Variants in BSN observed in about 807,000 individuals in gnomAD.
The protein encoded by BSN is protein bassoon.
A neutral mutation model predicts 264.8 loss-of-function variants in BSN; 57 were observed. That is an observed-to-expected ratio of 0.22 (90% CI 0.17 to 0.27). The LOEUF is 0.27. Among genes scored for constraint, BSN ranks in the 10% least tolerant of loss-of-function variants. The probability of loss-of-function intolerance (pLI) is 1.00; values close to 1 mark genes in which losing one functional copy is unlikely to be tolerated. For missense variants in BSN, 4,615 were observed against 5,232.5 expected (o/e 0.88, Z 3.64); for synonymous variants, 2,059 against 2,137.3 (o/e 0.96, Z 1.01).
chr3:49,566,821 A>C (rs2051755491), intron 1 of BSN, among the ~76,000 whole-genome samples: 1 of 144,506 alleles, frequency 6.9e-6, no homozygotes. Context: ...GGATTAGGGG[A>C]TTCAGGTAGT....
rs148390564 is a variant in BSN, at chr3:49,655,547, T to A, written c.5991T>A (p.His1997Gln). The stretch of plus-strand genomic sequence containing the variant: ...TGGCTGAGGCTGGCCTCAACTACCA[T>A]GCCCAGAGGATCGGGCAGCTCTTCC... Reference protein sequence around the residue: ...TNLAEAGLNYHAQRIGQLFQG... With the variant: ...TNLAEAGLNYQAQRIGQLFQG... The change falls in exon 5 of 12, where the codon CAT becomes CAA. Residue 1997 changes from histidine to glutamine, a missense_variant. His to Gln is a conservative substitution (Grantham distance 24). Coordinates refer to ENST00000296452, the MANE Select transcript of BSN (RefSeq NM_003458.4). 1.5e-4 allele frequency: 249 copies of A among 1,613,110 alleles called. No individual in the cohort carries two copies. The highest frequency in any genetic ancestry group is 2.0e-4 in the Non-Finnish European group (241 of 1,179,714).
In BSN at chr3:49,653,436, G is replaced by A. The variant is rs1192190840; in HGVS notation, c.3880G>A (p.Glu1294Lys). 14 of 1,613,906 alleles carry A rather than the reference G, an allele frequency of 8.7e-6. No individual in the cohort carries two copies. In the Admixed American group the frequency reaches 1.7e-4, roughly 19 times the overall value. The change falls in exon 5 of 12, where the codon GAG (glutamate) becomes AAG (lysine). Residue 1294 changes from glutamate (E) to lysine (K), a missense_variant. Glu to Lys is a moderately conservative substitution (Grantham distance 56, BLOSUM62 1). Around this residue, in one of 3 missense-constraint regions of BSN, gnomAD observed 3,415 missense variants for 3,866.4 expected, o/e 0.88. Coordinates refer to ENST00000296452, the MANE Select transcript of BSN (RefSeq NM_003458.4). This position sits in a 1 kb window ranked among gnomAD's most constrained non-coding sequence, Gnocchi z 6.3. ...GAAGGAGAAGCAGTTTCTAAATGCTGAGAGTGCATACATGGACCCAATGAA... is the reference window on the plus strand; with the variant it reads ...GAAGGAGAAGCAGTTTCTAAATGCTAAGAGTGCATACATGGACCCAATGAA... The part of the protein sequence containing the change: ...KKKEKQFLNA[E>K]SAYMDPMKQN...
intron 1 of BSN, among the ~76,000 whole-genome samples, chr3:49,586,936 CT>C (rs1391740636): frequency 1.3e-5 from 2 of 151,576 alleles, no homozygotes; most frequent in African/African-American, 4.9e-5. Context: ...TTTTTTTATT[CT>C]GTGAAGAATG....
rs899598698 is a variant in BSN at position 49,671,425 on chromosome 3, T to C, written c.*3940T>C. On this transcript the variant is annotated 3_prime_UTR_variant, in exon 12 of 12. Transcript: ENST00000296452. The surrounding 1 kb of genome is among the most constrained non-coding windows in gnomAD (Gnocchi z 4.1). ...AATGACCCGAGTCCTCCACATGACC[T>C]TGTGAATTGTGTGCTGTCCTTCTGT... is the stretch of plus-strand genomic sequence containing the variant. 1 of 152,636 alleles carries C rather than the reference T, an allele frequency of 6.6e-6. No homozygotes were observed. The highest frequency in any genetic ancestry group is 1.5e-5 in the Non-Finnish European group (1 of 68,048). The allele number at this position is 152,636 out of a possible 1,614,324, so 9.5% of individuals were successfully genotyped here. A position where few individuals can be genotyped will look rare whatever the true frequency, so the allele number is the denominator to read the frequency against.
chr3:49,660,818 C>G lies in BSN; in HGVS notation c.8973C>G (p.Ala2991=). The part of the protein sequence containing the change: ...LGITQRKESL[A]KDRGGRDYPP... ...TCACACAACGCAAAGAGTCTTTGGC[C>G]AAAGACCGGGGTGGCCGTGACTACC... is the stretch of plus-strand genomic sequence containing the variant. The change falls in exon 6 of 12, where the codon GCC becomes GCG. Residue 2991 remains alanine, a synonymous_variant. Transcript: ENST00000296452. The surrounding 1 kb of genome is among the most constrained non-coding windows in gnomAD (Gnocchi z 7.1). 2 of 1,613,098 alleles carry G rather than the reference C, an allele frequency of 1.2e-6. No homozygotes were observed. Among genetic ancestry groups the G allele is most frequent in the Non-Finnish European group, 1.7e-6 (2 of 1,180,020 alleles).
chr3:49,603,725 A>C (rs1221718037), intron 1 of BSN, among the ~76,000 whole-genome samples: 1 of 152,218 alleles, frequency 6.6e-6, no homozygotes, highest in Admixed American at 6.5e-5. Context: ...ACCAATTTAA[A>C]GTGAACAATC....
rs1034658144 is a variant in BSN at position 49,592,010 on chromosome 3, T to C, written c.225-32965T>C. Among the ~76,000 whole-genome samples the C allele has an allele frequency of 7.9e-5, 12 of 152,300 alleles. No individual in the cohort carries two copies. In the South Asian group the frequency reaches 2.5e-3, roughly 32 times the overall value. ...GATGAAATATCAACACATCTCTCAT[T>C]CACAATTTTTAAAAACTGACAAACC... On this transcript the variant is annotated intron_variant, in intron 1 of 11. Transcript: ENST00000296452.
Position 49,654,121 on chromosome 3 carries a change from G to T in BSN, c.4565G>T (p.Gly1522Val), listed in dbSNP as rs778306330. The T allele has an allele frequency of 1.7e-5, 27 of 1,614,026 alleles. No homozygotes were observed. Among genetic ancestry groups the T allele is most frequent in the Non-Finnish European group, 2.3e-5 (27 of 1,180,026 alleles). The change falls in exon 5 of 12, where the codon GGT becomes GTT. Residue 1522 changes from glycine (G) to valine (V), a missense_variant. Transcript: ENST00000296452. This position sits in a 1 kb window ranked among gnomAD's most constrained non-coding sequence, Gnocchi z 4.1. Reference sequence around the variant, plus strand: ...GCCTCAGACATGCCACGGAGCCCTGGTGCCCCCACTCCATCACCTATGGTA... The same window carrying T: ...GCCTCAGACATGCCACGGAGCCCTGTTGCCCCCACTCCATCACCTATGGTA... Reference protein sequence around the residue: ...APASDMPRSPGAPTPSPMVAQ... With the variant: ...APASDMPRSPVAPTPSPMVAQ...
At chr3:49,579,276 A>G (rs2051874599) in intron 1 of BSN, among the ~76,000 whole-genome samples, 1 of 152,008 alleles carries the variant, frequency 6.6e-6, no homozygotes, top group African/African-American at 2.4e-5. Flanking sequence ...GGCATGAGCC[A>G]CTGCACTCAG....
intron 2 of BSN, among the ~76,000 whole-genome samples, chr3:49,626,028 C>T (rs1339153229): frequency 1.3e-5 from 2 of 152,226 alleles, no homozygotes; most frequent in East Asian, 3.8e-4. Flanking sequence ...CCTACACTCA[C>T]CAAGAGGCCA....
chr3:49,590,083 G>A (rs2051966943), intron 1 of BSN, among the ~76,000 whole-genome samples: 1 of 151,408 alleles, frequency 6.6e-6, no homozygotes, highest in South Asian at 2.1e-4. Flanking sequence ...TGATCTGCCC[G>A]CCTCGGCCTC....
At chr3:49,640,162 A>G (rs911084777) in intron 2 of BSN, among the ~76,000 whole-genome samples, 1 of 152,232 alleles carries the variant, frequency 6.6e-6, no homozygotes, top group African/African-American at 2.4e-5. Flanking sequence ...CAGACAGAGA[A>G]CAACCTTGGC....
Position 49,668,234 on chromosome 3 carries a change from AC to A in BSN, c.*750del, listed in dbSNP as rs2052726908. ...AGCCCGTGGGTGGCAGCGTGCTAGC[AC>A]ACTGCCACCATCTCAAAGCCATCCC... On this transcript the variant is annotated 3_prime_UTR_variant, in exon 12 of 12. Coordinates refer to ENST00000296452, the MANE Select transcript of BSN (RefSeq NM_003458.4). 1 of 151,816 alleles carries A rather than the reference AC, an allele frequency of 6.6e-6. No homozygotes were observed. The highest frequency in any genetic ancestry group is 2.4e-5 in the African/African-American group (1 of 41,162). The allele number at this position is 151,816 out of a possible 1,614,324, so 9.4% of individuals were successfully genotyped here.
intron 2 of BSN, among the ~76,000 whole-genome samples, chr3:49,635,552 AC>A (rs2052414784): frequency 6.6e-6 from 1 of 152,092 alleles, no homozygotes; most frequent in African/African-American, 2.4e-5. Flanking sequence ...TACAAGGAAC[AC>A]CCACAAAGCC....
At position 49,661,943 on chromosome 3, in the gene BSN, G is replaced by A; in HGVS notation, c.10098G>A (p.Glu3366=). Residue 3366 remains glutamate, a synonymous_variant, in exon 6 of 12, where the codon GAG becomes GAA. Transcript: ENST00000296452. ...KRSKHRKQGM[E]QKISKFSPIE... is the part of the protein sequence containing the mutation. ...GCAAGCACCGGAAGCAGGGCATGGA[G>A]CAAAAGATATCCAAGTTCTCGCCTA... is the stretch of plus-strand genomic sequence containing the variant. 6.2e-7 allele frequency: 1 copy of A among 1,613,974 alleles called. No homozygotes were observed. The highest frequency in any genetic ancestry group is 1.3e-5 in the African/African-American group (1 of 75,060).
At chr3:49,554,976 C>T in intron 1 of BSN, 150 bp downstream of exon 1, 2 of 446,096 alleles carry the variant, frequency 4.5e-6, no homozygotes, top group South Asian at 1.2e-4. Flanking sequence ...TGGGTGGTCG[C>T]GGGAAGCGGC....
intron 1 of BSN, among the ~76,000 whole-genome samples, chr3:49,615,143 C>T (rs1379522507): frequency 6.6e-6 from 1 of 152,236 alleles, no homozygotes; most frequent in Non-Finnish European, 1.5e-5. Context: ...AACATGTTCT[C>T]TTCTGGCCCA....
In BSN at chr3:49,652,815, C is replaced by G; in HGVS notation, c.3259C>G (p.Arg1087Gly). The change falls in exon 5 of 12, where the codon CGA (arginine) becomes GGA (glycine). Residue 1087 changes from arginine (R) to glycine (G), a missense_variant. Arg to Gly is a moderately radical substitution (Grantham distance 125). This residue lies in a region of BSN where 3,415 missense variants were observed against 3,866.4 expected (regional missense o/e 0.88). Transcript: ENST00000296452. ...GGAAGAACTGCGGGCCCAGCGGAGG[C>G]GAGAGCGCTCCAAGACACCACCCAG... ...DKEELRAQRR[R>G]ERSKTPPSNL... 4 of 1,567,216 alleles carry G rather than the reference C, an allele frequency of 2.6e-6. No individual in the cohort carries two copies. Among genetic ancestry groups the G allele is most frequent in the Non-Finnish European group, 3.5e-6 (4 of 1,155,378 alleles).
At position 49,663,041 on chromosome 3, in the gene BSN, T is replaced by C; in HGVS notation, c.10883T>C (p.Leu3628Pro). 1 of 1,613,610 alleles carries C rather than the reference T, an allele frequency of 6.2e-7. No homozygotes were observed. The highest frequency in any genetic ancestry group is 8.5e-7 in the Non-Finnish European group (1 of 1,179,988). ...HDYDEPPEEG[L>P]WPHDEGGPGR... ...TACGATGAACCCCCTGAGGAGGGCC[T>C]GTGGCCTCATGATGAGGGTGGCCCA... The change falls in exon 7 of 12, where the codon CTG becomes CCG. Residue 3628 changes from leucine (L) to proline (P), a missense_variant. Physicochemically the swap from Leu to Pro is moderately conservative, Grantham distance 98 (BLOSUM62 -3). This residue lies in a region of BSN where 3,415 missense variants were observed against 3,866.4 expected (regional missense o/e 0.88). Transcript: ENST00000296452.
Sources: allele counts gnomAD v4.1 joint callset (sites outside exome capture counted in the v4.1 genomes callset), GRCh38; gene constraint gnomAD v4.1.1; regional missense constraint gnomAD v4.1.1; non-coding constraint Gnocchi (gnomAD v3.1); transcripts MANE v1.5; gene names NCBI Gene and HGNC (gene_info 2026-07-23, HGNC 2026-07-21).